Variants in TTN observed in about 807,000 individuals in gnomAD.
TTN encodes connectin.
A neutral mutation model predicts 3,223.0 loss-of-function variants in TTN; 1,525 were observed. That is an observed-to-expected ratio of 0.47 (90% CI 0.45 to 0.49). TTN has a LOEUF of 0.49. Ranked by LOEUF, TTN falls within the 20% of genes least tolerant of loss-of-function variation. The pLI is 0.00. For missense variants in TTN, 40,786 were observed against 43,424.0 expected (o/e 0.94, Z 5.40); for synonymous variants, 14,094 against 15,161.0 (o/e 0.93, Z 5.17).
chr2:178,761,980 T>C (rs546280231), intron 43 of TTN, among the ~76,000 whole-genome samples: 31 of 152,278 alleles, frequency 2.0e-4, no homozygotes, highest in Middle Eastern at 3.4e-3. Context: ...CCTCTACCAG[T>C]AGGTGGCACT....
chr2:178,664,489 G>A lies in TTN; in HGVS notation c.36251C>T (p.Pro12084Leu). The A allele has an allele frequency of 6.2e-7, 1 of 1,612,246 alleles. No individual in the cohort carries two copies. Among genetic ancestry groups the A allele is most frequent in the Non-Finnish European group, 8.5e-7 (1 of 1,179,450 alleles). Residue 12084 changes from proline (P) to leucine (L), a missense_variant, in exon 168 of 363, where the codon CCC becomes CTC. Coordinates refer to ENST00000589042, the MANE Select transcript of TTN (RefSeq NM_001267550.2). The part of the protein sequence containing the change: ...EVVPEKKVHP[P>L]QRAEVVPVKV... ...GACAGGTACAACTTCAGCCCTTTGG[G>A]GAGGATGCACTTTCTTTTCCGGGAC...
rs2063103513 is a variant in TTN at position 178,652,111 on chromosome 2, T to G, written c.39280A>C (p.Ser13094Arg). The change falls in exon 204 of 363, where the codon AGT becomes CGT. Residue 13094 changes from serine to arginine, a missense_variant. By Grantham distance (110) the Ser-to-Arg change is moderately radical (BLOSUM62 -1). Coordinates refer to ENST00000589042, the MANE Select transcript of TTN (RefSeq NM_001267550.2). ...TCATTATTACCTTCAGGGGGAGGAC[T>G]TTCCGGTTTGGGAGGAATAGCTTCA... ...VPEAIPPKPE[S>R]PPPEVFEEPE... 6.2e-7 allele frequency: 1 copy of G among 1,612,860 alleles called. No individual in the cohort carries two copies. The highest frequency in any genetic ancestry group is 8.5e-7 in the Non-Finnish European group (1 of 1,179,674).
Position 178,712,476 on chromosome 2 carries a change from C to A in TTN, c.27446G>T (p.Gly9149Val). 1 of 1,613,754 alleles carries A rather than the reference C, an allele frequency of 6.2e-7. No individual in the cohort carries two copies. Among genetic ancestry groups the A allele is most frequent in the Non-Finnish European group, 8.5e-7 (1 of 1,179,792 alleles). ...CCTCTGAGAAGGAGTTACATTTATG[C>A]CATTTTTCTTCCAGGTAACCGAAAT... Reference protein sequence around the residue: ...PPISVTWKKNGINVTPSQRCN... With the variant: ...PPISVTWKKNVINVTPSQRCN... The change falls in exon 95 of 363, where the codon GGC becomes GTC. Residue 9149 changes from glycine to valine, a missense_variant. Transcript: ENST00000589042.
chr2:178,652,934 T>G lies in TTN; in HGVS notation c.38876-3A>C. ...AACCTCTATGGGAGCCTCTGGCACTTAAAAGATATTAGTGAAATTACATTT... is the reference window on the plus strand; with the variant it reads ...AACCTCTATGGGAGCCTCTGGCACTGAAAAGATATTAGTGAAATTACATTT... On this transcript the variant is annotated splice_polypyrimidine_tract_variant and splice_region_variant and intron_variant, in intron 199 of 362. Transcript: ENST00000589042. 1 of 1,604,008 alleles carries G rather than the reference T, an allele frequency of 6.2e-7. No individual in the cohort carries two copies. The highest frequency in any genetic ancestry group is 8.5e-7 in the Non-Finnish European group (1 of 1,177,018).
At chr2:178,558,703 A>G in intron 326 of TTN, 66 bp from the exon 327 acceptor site, 1 of 1,477,196 alleles carries the variant, frequency 6.8e-7, no homozygotes, top group South Asian at 1.3e-5. Flanking sequence ...TGCACTCTTC[A>G]TGTATTGTCA....
rs2078800493 is a variant in TTN at position 178,723,542 on chromosome 2, A to G, written c.21558T>C (p.Tyr7186=). 1 of 1,613,434 alleles carries G rather than the reference A, an allele frequency of 6.2e-7. No homozygotes were observed. The highest frequency in any genetic ancestry group is 8.5e-7 in the Non-Finnish European group (1 of 1,179,604). The change falls in exon 74 of 363, where the codon TAT becomes TAC. Residue 7186 remains tyrosine (Y), a synonymous_variant. Coordinates refer to ENST00000589042, the MANE Select transcript of TTN (RefSeq NM_001267550.2). ...ELVKGDRCNI[Y]FEDTVAELEL... ...CCAGTTCTGCCACAGTGTCTTCAAA[A>G]TAGATGTTGCACCGGTCTCCTTTCA...
rs1559969772 is a variant in TTN, at chr2:178,634,033, CT to C, written c.42465del (p.Gly14156ValfsTer17). The part of the protein sequence containing the change: ...MSPLEDQTVK[E>X]GETATFVCEL... ...TCACAAACAAAAGTTGCTGTTTCAC[CT>C]TCTTTTACTGTTTGATCTTCAAGAG... On this transcript the variant is annotated frameshift_variant, in exon 231 of 363. Transcript: ENST00000589042. LOFTEE classifies it high-confidence loss of function. The surrounding 1 kb of genome is among the most constrained non-coding windows in gnomAD (Gnocchi z 4.6). The C allele has an allele frequency of 6.2e-7, 1 of 1,613,150 alleles. No homozygotes were observed. The highest frequency in any genetic ancestry group is 1.7e-5 in the Admixed American group (1 of 59,958).
In TTN at chr2:178,794,989, C is replaced by A. The variant is rs2093690597; in HGVS notation, c.1178G>T (p.Gly393Val). The A allele has an allele frequency of 1.9e-6, 3 of 1,608,604 alleles. No homozygotes were observed. In the East Asian group the frequency reaches 6.7e-5, roughly 36 times the overall value. ...ACTGGCCGACACACTGGCGGCAGCA[C>A]CCGCAGCACCACTGATGGTCACTTG... Reference protein sequence around the residue: ...QEQVTISGAAGAAASVSASAS... With the variant: ...QEQVTISGAAVAAASVSASAS... Residue 393 changes from glycine to valine, a missense_variant, in exon 7 of 363, where the codon GGT becomes GTT. Physicochemically the swap from Gly to Val is moderately radical, Grantham distance 109 (BLOSUM62 -3). Transcript: ENST00000589042.
At position 178,554,551 on chromosome 2, in the gene TTN, A is replaced by G; in HGVS notation, c.88796T>C (p.Ile29599Thr). Residue 29599 changes from isoleucine (I) to threonine (T), a missense_variant, in exon 332 of 363, where the codon ATC becomes ACC. Coordinates refer to ENST00000589042, the MANE Select transcript of TTN (RefSeq NM_001267550.2). ...EECIITTTKI[I>T]KGNEYIFRVR... ...CCGGAAGATGTATTCATTTCCTTTG[A>G]TAATTTTGGTGGTTGTAATGATGCA... 3 of 1,613,682 alleles carry G rather than the reference A, an allele frequency of 1.9e-6. No homozygotes were observed. Among genetic ancestry groups the G allele is most frequent in the South Asian group, 1.1e-5 (1 of 91,076 alleles).
At chr2:178,747,815 T>C in intron 47 of TTN, 1 of 1,612,740 alleles carries the variant, frequency 6.2e-7, no homozygotes, top group Non-Finnish European at 8.5e-7. Context: ...AACTTGAACT[T>C]CTTCATAACA....
At chr2:178,729,191 T>A in intron 64 of TTN, 22 bp from the exon 65 acceptor site, 1 of 1,551,478 alleles carries the variant, frequency 6.4e-7, no homozygotes, top group Non-Finnish European at 8.7e-7. Flanking sequence ...TAAGAGAGTG[T>A]GAAAAGAAGA....
Position 178,677,924 on chromosome 2 carries a change from A to C in TTN, c.33995-7T>G, listed in dbSNP as rs568216791. On this transcript the variant is annotated splice_region_variant and splice_polypyrimidine_tract_variant and intron_variant, in intron 145 of 362. Transcript: ENST00000589042. ...GGTTCACGTTTCTTTGGCACTTTAA[A>C]GATATTTATTCAAGGGTACAAACAT... 1 of 1,585,748 alleles carries C rather than the reference A, an allele frequency of 6.3e-7. No individual in the cohort carries two copies. The highest frequency in any genetic ancestry group is 8.5e-7 in the Non-Finnish European group (1 of 1,170,228).
chr2:178,681,852 C>T, intron 135 of TTN, 114 bp from the exon 136 acceptor site: 1 of 846,986 alleles, frequency 1.2e-6, no homozygotes, highest in Non-Finnish European at 1.7e-6. Flanking sequence ...ATAGCCATAG[C>T]CTATTGAAGT....
In TTN at chr2:178,714,341, G is replaced by T. The variant is rs924449103; in HGVS notation, c.26433C>A (p.Ile8811=). Reference sequence around the variant, plus strand: ...ACTCTTGCATCCCAGCATCGTTTTTGATCTGACAAGTGTATTTTCCAGCAT... The same window carrying T: ...ACTCTTGCATCCCAGCATCGTTTTTTATCTGACAAGTGTATTTTCCAGCAT... The part of the protein sequence containing the change: ...PANAGKYTCQ[I]KNDAGMQECF... Residue 8811 remains isoleucine, a synonymous_variant, in exon 91 of 363, where the codon ATC becomes ATA. Coordinates refer to ENST00000589042, the MANE Select transcript of TTN (RefSeq NM_001267550.2). The T allele has an allele frequency of 3.7e-6, 6 of 1,613,536 alleles. No homozygotes were observed. In the African/African-American group the frequency reaches 8.0e-5, roughly 22 times the overall value.
chr2:178,584,421 A>T lies in TTN; in HGVS notation c.65130T>A (p.Asn21710Lys). The change falls in exon 311 of 363, where the codon AAT (asparagine) becomes AAA (lysine). Residue 21710 changes from asparagine (N) to lysine (K), a missense_variant. By Grantham distance (94) the Asn-to-Lys change is moderately conservative. Coordinates refer to ENST00000589042, the MANE Select transcript of TTN (RefSeq NM_001267550.2). ...ERNSLLWVKA[N>K]DTLVRSTEYP... ...ATTCAGTTGACCGGACAAGAGTATC[A>T]TTGGCTTTCACCCACAGCAAACTGT... The T allele has an allele frequency of 1.1e-5, 17 of 1,613,330 alleles. No homozygotes were observed. The highest frequency in any genetic ancestry group is 1.4e-5 in the Non-Finnish European group (16 of 1,179,512).
At chr2:178,763,178 T>C (rs2089641536) in intron 43 of TTN, among the ~76,000 whole-genome samples, 1 of 152,202 alleles carries the variant, frequency 6.6e-6, no homozygotes, top group Non-Finnish European at 1.5e-5. Flanking sequence ...TAATTGTGAT[T>C]ATAGACAATC....
At chr2:178,701,618 G>T in intron 109 of TTN, 31 bp from the exon 110 acceptor site, 1 of 1,600,684 alleles carries the variant, frequency 6.2e-7, no homozygotes, top group South Asian at 1.1e-5. Context: ...AGCATAGAGA[G>T]ACTGAGAACA....
chr2:178,636,193 A>G lies in TTN; in HGVS notation c.41378T>C (p.Val13793Ala). 1.2e-6 allele frequency: 2 copies of G among 1,607,266 alleles called. No individual in the cohort carries two copies. The highest frequency in any genetic ancestry group is 1.7e-6 in the Non-Finnish European group (2 of 1,175,912). The change falls in exon 226 of 363, where the codon GTC (valine) becomes GCC (alanine). Residue 13793 changes from valine to alanine, a missense_variant. Coordinates refer to ENST00000589042, the MANE Select transcript of TTN (RefSeq NM_001267550.2). This position sits in a 1 kb window ranked among gnomAD's most constrained non-coding sequence, Gnocchi z 4.3. ...GCTCAAGTACAATGGCTGTCCTTTG[A>G]CCACTGTGACTTCCTCTTCCAGTGT... ...VKTLEEEVTV[V>A]KGQPLYLSCE... is the part of the protein sequence containing the mutation.
chr2:178,689,003 A>AT (rs35770337), intron 125 of TTN, 50 bp downstream of exon 125: 23,551 of 1,001,312 alleles, frequency 0.024, 80 homozygotes, highest in Non-Finnish European at 0.025. Flanking sequence ...ACACTCGAAG[A>AT]TTTTTTTTTT....
Sources: gnomAD v4.1 joint callset for allele counts (sites outside exome capture counted in the v4.1 genomes callset) on GRCh38, gnomAD v4.1.1 for gene constraint, Gnocchi (gnomAD v3.1) non-coding constraint, MANE v1.5 for transcripts, NCBI Gene and HGNC (gene_info 2026-07-23, HGNC 2026-07-21) for gene names.